GAK: variants seen among roughly 807,000 people sequenced by gnomAD.
The protein encoded by GAK is cyclin-G-associated kinase.
In GAK, 79 loss-of-function variants were observed where a neutral mutation model predicts 143.9. The observed-to-expected ratio is 0.55, with a 90% confidence interval of 0.46 to 0.66. GAK has a LOEUF of 0.66. Ranked by LOEUF, GAK falls within the 30% of genes least tolerant of loss-of-function variation. GAK has a pLI of 0.00. For missense variants in GAK, 1,693 were observed against 1,779.7 expected, an observed-to-expected ratio of 0.95 and a Z score of 0.88; for synonymous variants, 881 against 765.5, an observed-to-expected ratio of 1.15 and a Z score of -2.49.
chr4:892,255 C>A (rs575850990), intron 9 of GAK, among the ~76,000 whole-genome samples: 1 of 152,168 alleles, frequency 6.6e-6, no homozygotes, highest in Non-Finnish European at 1.5e-5. Context: ...GGAGTGGAAA[C>A]GACCCAAGGG....
At chr4:867,796 G>A (rs1339504290) in intron 20 of GAK, among the ~76,000 whole-genome samples, 1 of 152,246 alleles carries the variant, frequency 6.6e-6, no homozygotes, top group Non-Finnish European at 1.5e-5. Context: ...CCTTGGCCCA[G>A]GGCCCTGGCG....
rs1225202328 is a variant in GAK at position 874,182 on chromosome 4, CCTG to C, written c.2054+2345_2054+2347del. Among the ~76,000 whole-genome samples the C allele has an allele frequency of 5.3e-5, 8 of 152,092 alleles. No homozygotes were observed. In the East Asian group the frequency reaches 5.8e-4, roughly 11 times the overall value. On this transcript the variant is annotated intron_variant, in intron 18 of 27. Coordinates refer to ENST00000314167, the MANE Select transcript of GAK (RefSeq NM_005255.4). ...GTACATGCACACGTGTGTTGGTGCT[CCTG>C]CTGTCTGTGTGTGCGCACGCGCTGG...
chr4:862,705 A>T (rs1181592141), intron 23 of GAK, among the ~76,000 whole-genome samples: 3 of 152,218 alleles, frequency 2.0e-5, no homozygotes, highest in African/African-American at 7.2e-5. Context: ...TGCCATAGAA[A>T]TGGCACAGCA....
chr4:870,229 C>T (rs889871104), intron 19 of GAK, among the ~76,000 whole-genome samples: 1 of 152,208 alleles, frequency 6.6e-6, no homozygotes, highest in African/African-American at 2.4e-5. Context: ...CGAGAACAAG[C>T]GTGGCATGAG....
intron 12 of GAK, among the ~76,000 whole-genome samples, chr4:883,729 G>A (rs1387147371): frequency 3.9e-5 from 6 of 152,246 alleles, no homozygotes; most frequent in Non-Finnish European, 5.9e-5. Flanking sequence ...TCCAGGTGTC[G>A]GGATGAGTGA....
chr4:914,190 T>A (rs1332179592), intron 1 of GAK, among the ~76,000 whole-genome samples: 1 of 15,908 alleles, frequency 6.3e-5, no homozygotes, highest in Non-Finnish European at 1.1e-4. Flanking sequence ...GCCCCACACA[T>A]ACACAGCCCC....
intron 5 of GAK, among the ~76,000 whole-genome samples, chr4:903,011 A>C (rs1308317448): frequency 6.6e-6 from 1 of 152,224 alleles, no homozygotes; most frequent in Non-Finnish European, 1.5e-5. Context: ...CAACACAGGC[A>C]GCTCAGGGCA....
chr4:896,550 C>G lies in GAK; in HGVS notation c.652-1G>C, dbSNP rs1718809494. The G allele has an allele frequency of 6.2e-7, 1 of 1,608,048 alleles. No homozygotes were observed. Among genetic ancestry groups the G allele is most frequent in the Non-Finnish European group, 8.5e-7 (1 of 1,174,402 alleles). ...ACATTGGTGTTGTATTCCTCGTGAT[C>G]TGAAAAAATACAAACATTTCAAAGG... On this transcript the variant is annotated splice_acceptor_variant, in intron 6 of 27. Coordinates refer to ENST00000314167, the MANE Select transcript of GAK (RefSeq NM_005255.4). LOFTEE classifies it high-confidence loss of function.
At chr4:889,791 A>T (rs1339189406) in intron 10 of GAK, among the ~76,000 whole-genome samples, 1 of 152,172 alleles carries the variant, frequency 6.6e-6, no homozygotes, top group Non-Finnish European at 1.5e-5. Flanking sequence ...TCGACGGCTC[A>T]CCCGGAACCT....
At position 866,939 on chromosome 4, in the gene GAK, A is replaced by G. The variant is rs374687421; in HGVS notation, c.2872+17T>C. The G allele has an allele frequency of 2.0e-5, 30 of 1,465,236 alleles. No individual in the cohort carries two copies. Among genetic ancestry groups the G allele is most frequent in the African/African-American group, 4.3e-5 (3 of 70,460 alleles). 90.8% of individuals were successfully genotyped at this position (1,465,236 alleles called of 1,614,324 possible). On this transcript the variant is annotated intron_variant, in intron 21 of 27. Transcript: ENST00000314167. ...ATCTACTGTGAAGCCACTCGCCTTC[A>G]GAACAGAAACACGTACCAGCGGCAG... is the stretch of plus-strand genomic sequence containing the variant.
chr4:886,192 G>A (rs1283835136), intron 11 of GAK: 2 of 152,280 alleles, frequency 1.3e-5, no homozygotes, highest in Admixed American at 6.5e-5. Context: ...ACAAACAGCA[G>A]GGCTGCCCTC....
At chr4:877,583 G>T in intron 16 of GAK, 32 bp downstream of exon 16, 2 of 1,537,682 alleles carry the variant, frequency 1.3e-6, no homozygotes, top group Non-Finnish European at 1.8e-6. Context: ...TGAGGAGGAG[G>T]GAGCACAGCG....
intron 7 of GAK, among the ~76,000 whole-genome samples, chr4:895,547 G>A (rs1050041871): frequency 3.3e-5 from 5 of 152,332 alleles, no homozygotes; most frequent in Non-Finnish European, 7.3e-5. Flanking sequence ...AGCCCCACGT[G>A]CTGTCTCAGC....
At chr4:863,953 G>A (rs1331783030) in intron 23 of GAK, among the ~76,000 whole-genome samples, 7 of 152,222 alleles carry the variant, frequency 4.6e-5, no homozygotes, top group Admixed American at 1.3e-4. Context: ...AACCCAGGAC[G>A]TGGAGGATGC....
Position 897,717 on chromosome 4 carries a change from C to T in GAK, c.651+316G>A, listed in dbSNP as rs534218839. On this transcript the variant is annotated intron_variant, in intron 6 of 27. Coordinates refer to ENST00000314167, the MANE Select transcript of GAK (RefSeq NM_005255.4). ...ATCCCAGCACTTTGGGAGGCTGACG[C>T]GGGTGGATCACAAATGACGTCAAGA... 2.5e-3 allele frequency among the ~76,000 whole-genome samples: 374 copies of T among 152,310 alleles called. 2 individuals are homozygous for T. The highest frequency in any genetic ancestry group is 8.5e-3 in the African/African-American group (353 of 41,558).
intron 11 of GAK, 165 bp from the exon 12 acceptor site, chr4:884,251 G>A (rs1303254586): frequency 2.6e-5 from 16 of 611,390 alleles, no homozygotes; most frequent in East Asian, 8.5e-5. Context: ...GCAGCTTCCC[G>A]GCTGTGTGCG....
chr4:877,976 T>C (rs1330262967), intron 15 of GAK, among the ~76,000 whole-genome samples, 167 bp from the exon 16 acceptor site: 1 of 151,590 alleles, frequency 6.6e-6, no homozygotes, highest in Non-Finnish European at 1.5e-5. Flanking sequence ...GTTATATATA[T>C]ATGTGTGTGT....
chr4:894,143 G>A, intron 7 of GAK, 134 bp from the exon 8 acceptor site: 1 of 1,071,534 alleles, frequency 9.3e-7, no homozygotes, highest in Admixed American at 3.2e-5. Context: ...GGGGAGCGCA[G>A]GGGTGACACT....
intron 7 of GAK, 181 bp from the exon 8 acceptor site, chr4:894,190 A>C: frequency 1.8e-6 from 1 of 557,134 alleles, no homozygotes; most frequent in East Asian, 4.4e-5. Flanking sequence ...TATCGGGAAC[A>C]TGGGAAATGC....
Sources: allele counts gnomAD v4.1 joint callset (sites outside exome capture counted in the v4.1 genomes callset), GRCh38; gene constraint gnomAD v4.1.1; transcripts MANE v1.5; gene names NCBI Gene and HGNC (gene_info 2026-07-23, HGNC 2026-07-21).